MYL4: variants seen among roughly 807,000 people sequenced by gnomAD.
MYL4 encodes atrial myosin light chain 1.
A neutral mutation model predicts 21.6 loss-of-function variants in MYL4; 16 were observed. That is an observed-to-expected ratio of 0.74 (90% CI 0.50 to 1.12). The LOEUF (loss-of-function observed/expected upper bound fraction) is 1.12. Ranked by LOEUF, MYL4 falls within the 50% of genes most tolerant of loss-of-function variation. The pLI is 0.00. For synonymous variants in MYL4, 82 were observed against 95.7 expected (o/e 0.86, Z 0.83); for missense variants, 249 against 252.9 (o/e 0.98, Z 0.11).
intron 5 of MYL4, among the ~76,000 whole-genome samples, chr17:47,222,812 G>A (rs2064866699): frequency 6.6e-6 from 1 of 152,138 alleles, no homozygotes; most frequent in South Asian, 2.1e-4. Context: ...AATCAGCATA[G>A]AGAGTGGGCA....
the MYL4 span, among the ~76,000 whole-genome samples, chr17:47,193,068 A>C: frequency 6.6e-6 from 1 of 152,072 alleles, no homozygotes; most frequent in East Asian, 1.9e-4. Context: ...GAGTAAGTGT[A>C]CTCTCCTGAA....
chr17:47,193,268 T>TTTTG, the MYL4 span, among the ~76,000 whole-genome samples: 17 of 151,824 alleles, frequency 1.1e-4, no homozygotes, highest in Middle Eastern at 3.4e-3. Context: ...ACTGCTCTGT[T>TTTTG]TTTGTTTGTT....
the MYL4 span, among the ~76,000 whole-genome samples, chr17:47,193,916 A>C: frequency 6.6e-6 from 1 of 151,918 alleles, no homozygotes; most frequent in East Asian, 2.0e-4. Context: ...CCACCATGCC[A>C]GGCTAATTTT....
chr17:47,209,906 C>A (rs954710558), intron 1 of MYL4, among the ~76,000 whole-genome samples: 3 of 152,086 alleles, frequency 2.0e-5, no homozygotes, highest in Non-Finnish European at 2.9e-5. Flanking sequence ...ACAGACTAGC[C>A]TTTTCCTAGG....
intron 6 of MYL4, 32 bp downstream of exon 6, chr17:47,223,089 C>CG: frequency 6.2e-7 from 1 of 1,611,242 alleles, no homozygotes; most frequent in Non-Finnish European, 8.5e-7. Context: ...TGGTCCCTTC[C>CG]GGGGTCACAT....
At chr17:47,197,399 A>G (rs1226750363), upstream of MYL4, among the ~76,000 whole-genome samples, 1 of 152,100 alleles carries the variant, frequency 6.6e-6, no homozygotes, top group Non-Finnish European at 1.5e-5. Flanking sequence ...CACCCGGCCA[A>G]ATCCTTAAGG....
chr17:47,189,862 A>T, the MYL4 span, among the ~76,000 whole-genome samples: 2 of 152,232 alleles, frequency 1.3e-5, 1 homozygote, highest in South Asian at 4.1e-4. Flanking sequence ...ATTAAGGTCT[A>T]TTTAAGGGAA....
chr17:47,209,630 T>C (rs1462758328), intron 1 of MYL4, 73 bp downstream of exon 1: 17 of 1,611,206 alleles, frequency 1.1e-5, no homozygotes, highest in Non-Finnish European at 1.4e-5. Flanking sequence ...AGCTTAGCGA[T>C]CTACTTTATG....
chr17:47,189,491 C>A, the MYL4 span: 1 of 448,132 alleles, frequency 2.2e-6, no homozygotes, highest in Non-Finnish European at 4.1e-6. Flanking sequence ...TCTTCTCAGC[C>A]ACGCCTTCAG....
intron 3 of MYL4, among the ~76,000 whole-genome samples, chr17:47,221,353 C>T (rs766001279): frequency 6.6e-6 from 1 of 152,202 alleles, no homozygotes; most frequent in Non-Finnish European, 1.5e-5. Flanking sequence ...AGACCCCTCA[C>T]ATCCTGCTGC....
intron 2 of MYL4, among the ~76,000 whole-genome samples, chr17:47,219,500 G>C (rs1258348376): frequency 6.6e-6 from 1 of 152,100 alleles, no homozygotes; most frequent in East Asian, 1.9e-4. Flanking sequence ...GGAGGCCAGG[G>C]AGACATCTGA....
chr17:47,212,897 A>G (rs1176728265), intron 1 of MYL4, among the ~76,000 whole-genome samples: 1 of 152,218 alleles, frequency 6.6e-6, no homozygotes, highest in Non-Finnish European at 1.5e-5. Flanking sequence ...GTCCTAGTGT[A>G]GGAGCTCAGT....
upstream of MYL4, among the ~76,000 whole-genome samples, chr17:47,207,142 G>A (rs1458853999): frequency 1.3e-5 from 2 of 152,190 alleles, no homozygotes; most frequent in Non-Finnish European, 2.9e-5. Flanking sequence ...TCCCAGCTCA[G>A]GACCAGGGCT....
intron 1 of MYL4, 125 bp from the exon 2 acceptor site, chr17:47,213,674 T>C (rs1278142785): frequency 1.1e-6 from 1 of 912,978 alleles, no homozygotes; most frequent in East Asian, 2.4e-5. Flanking sequence ...CTTCCCTGCT[T>C]ATCAGTGGCC....
intron 2 of MYL4, among the ~76,000 whole-genome samples, chr17:47,214,669 T>C (rs1244669040): frequency 2.6e-5 from 4 of 152,256 alleles, no homozygotes; most frequent in African/African-American, 9.6e-5. Flanking sequence ...TTTTTTTCCA[T>C]GCTGATTCCT....
At position 47,209,402 on chromosome 17, in the gene MYL4, CA is replaced by C; in HGVS notation, c.-18del. 1 of 1,614,144 alleles carries C rather than the reference CA, an allele frequency of 6.2e-7. No homozygotes were observed. The highest frequency in any genetic ancestry group is 8.5e-7 in the Non-Finnish European group (1 of 1,180,032). On this transcript the variant is annotated 5_prime_UTR_variant, in exon 1 of 7. Coordinates refer to ENST00000393450, the MANE Select transcript of MYL4 (RefSeq NM_002476.2). ...GTTTCTTCTTAGATCACTCCTCTGC[CA>C]AAGATCCCAACAAGACAACATGGCT...
upstream of MYL4, among the ~76,000 whole-genome samples, chr17:47,198,983 C>T (rs2064699420): frequency 6.6e-6 from 1 of 151,718 alleles, no homozygotes; most frequent in South Asian, 2.1e-4. Context: ...ACCTGTAATC[C>T]CAGCACTTTG....
At chr17:47,194,829 C>A in the MYL4 span, among the ~76,000 whole-genome samples, 1 of 152,106 alleles carries the variant, frequency 6.6e-6, no homozygotes, top group Admixed American at 6.5e-5. Context: ...TAGCCTTAAC[C>A]TCCCAGGCTC....
intron 3 of MYL4, 65 bp from the exon 4 acceptor site, chr17:47,221,617 G>T: frequency 6.5e-7 from 1 of 1,547,968 alleles, no homozygotes; most frequent in South Asian, 1.2e-5. Context: ...GCCCCCTCTT[G>T]ACCCTCTGCT....
Sources: allele counts gnomAD v4.1 joint callset (sites outside exome capture counted in the v4.1 genomes callset), GRCh38; gene constraint gnomAD v4.1.1; transcripts MANE v1.5; gene names NCBI Gene and HGNC (gene_info 2026-07-23, HGNC 2026-07-21).